AKR1C3: variants seen among roughly 807,000 people sequenced by gnomAD.
AKR1C3 encodes the protein 3-alpha hydroxysteroid dehydrogenase, type II.
Under a neutral mutation model 43.6 loss-of-function variants are expected in AKR1C3, and 48 were observed. That is an observed-to-expected ratio of 1.10 (90% CI 0.87 to 1.40). The LOEUF is 1.40. Among genes scored for constraint, AKR1C3 ranks in the 40% most tolerant of loss-of-function variants. The probability of loss-of-function intolerance (pLI) is 0.00; values close to 1 mark genes in which losing one functional copy is unlikely to be tolerated. For missense variants in AKR1C3, 482 were observed against 391.2 expected (o/e 1.23, Z -1.96); for synonymous variants, 162 against 139.6 (o/e 1.16, Z -1.13).
chr10:5,103,494 T>C (rs1839410657), intron 7 of AKR1C3, among the ~76,000 whole-genome samples: 1 of 152,166 alleles, frequency 6.6e-6, no homozygotes, highest in Admixed American at 6.5e-5. Flanking sequence ...AAAATTAGCA[T>C]GGCCTCAGCC....
intron 1 of AKR1C3, among the ~76,000 whole-genome samples, chr10:5,074,183 G>A (rs1325937917): frequency 1.3e-5 from 2 of 152,098 alleles, no homozygotes; most frequent in East Asian, 1.9e-4. Context: ...GATGTCTCAT[G>A]TCTCCCTAAA....
In AKR1C3 at chr10:5,060,422, G is replaced by T. The variant is rs183598383; in HGVS notation, c.84+11527G>T. On this transcript the variant is annotated intron_variant, in intron 1 of 8. Coordinates refer to the AKR1C3 transcript ENST00000439082. ...TACAATCCCTGAGCTAGACACAAAG[G>T]TTCTCCAAGTCCCCACCAGAGTAGT... is the stretch of plus-strand genomic sequence containing the variant. 2.5e-4 allele frequency among the ~76,000 whole-genome samples: 38 copies of T among 152,268 alleles called. 1 individual carries two copies. The highest frequency in any genetic ancestry group is 8.3e-4 in the South Asian group (4 of 4,824).
chr10:5,058,188 T>C (rs1838303684), intron 1 of AKR1C3, among the ~76,000 whole-genome samples: 1 of 152,196 alleles, frequency 6.6e-6, no homozygotes, highest in Admixed American at 6.5e-5. Context: ...GGCTAGGATC[T>C]GGAGGTAAGC....
rs202122278 is a variant in AKR1C3 at position 5,096,384 on chromosome 10, G to C, written c.85-26G>C. 1.7e-5 allele frequency: 27 copies of C among 1,608,954 alleles called. No homozygotes were observed. The African/African-American group carries it at 2.9e-4, about 18-fold the overall frequency. ...TACCTCTCAGCCACAGTGATCACCA[G>C]ATACTACCTTTGGTTGCTCCTCCAG... On this transcript the variant is annotated intron_variant, in intron 1 of 8. Transcript: ENST00000380554.
intron 1 of AKR1C3, among the ~76,000 whole-genome samples, chr10:5,064,338 T>C (rs1244137226): frequency 3.9e-5 from 6 of 152,040 alleles, no homozygotes; most frequent in Admixed American, 6.6e-5. Flanking sequence ...GTGCAGAAGA[T>C]TGAAACGGGA....
intron 1 of AKR1C3, among the ~76,000 whole-genome samples, chr10:5,094,922 A>G (rs1253973707): frequency 6.6e-6 from 1 of 152,136 alleles, no homozygotes; most frequent in Non-Finnish European, 1.5e-5. Context: ...AGAAATACTT[A>G]TAGCAAAAAT....
chr10:5,062,649 A>C (rs185284184), intron 1 of AKR1C3, among the ~76,000 whole-genome samples: 1 of 152,302 alleles, frequency 6.6e-6, no homozygotes. Flanking sequence ...ATTACCAAGA[A>C]AACAGTGACA....
intron 1 of AKR1C3, among the ~76,000 whole-genome samples, chr10:5,062,376 T>G (rs1293540882): frequency 6.6e-6 from 1 of 152,180 alleles, no homozygotes; most frequent in African/African-American, 2.4e-5. Flanking sequence ...TTCTGTCTAT[T>G]TTCATTCCCT....
At chr10:5,079,090 G>T (rs1396025974) in intron 1 of AKR1C3, among the ~76,000 whole-genome samples, 1 of 152,154 alleles carries the variant, frequency 6.6e-6, no homozygotes. Context: ...GTTCTGAGTT[G>T]CACAGGTGTT....
intron 1 of AKR1C3, among the ~76,000 whole-genome samples, chr10:5,069,087 G>T (rs1277429347): frequency 6.6e-6 from 1 of 150,466 alleles, no homozygotes; most frequent in African/African-American, 2.4e-5. Flanking sequence ...TTTGATTTAA[G>T]CTCTTATATT....
intron 7 of AKR1C3, among the ~76,000 whole-genome samples, chr10:5,104,248 G>A (rs1309277114): frequency 6.6e-6 from 1 of 151,980 alleles, no homozygotes; most frequent in Non-Finnish European, 1.5e-5. Context: ...TTATAAATTA[G>A]TTGTAAATTC....
At chr10:5,073,906 T>C (rs1554781558) in intron 1 of AKR1C3, among the ~76,000 whole-genome samples, 1 of 151,898 alleles carries the variant, frequency 6.6e-6, no homozygotes, top group Non-Finnish European at 1.5e-5. Flanking sequence ...GGAAGATAAA[T>C]CTTAGGGCCC....
At chr10:5,081,222 G>A (rs1838831726) in intron 1 of AKR1C3, among the ~76,000 whole-genome samples, 1 of 152,162 alleles carries the variant, frequency 6.6e-6, no homozygotes. Context: ...GCAGCTATAA[G>A]AAAGTGGCCT....
intron 7 of AKR1C3, 57 bp downstream of exon 7, chr10:5,102,707 C>G: frequency 4.1e-6 from 6 of 1,454,418 alleles, no homozygotes; most frequent in Non-Finnish European, 5.4e-6. Flanking sequence ...CACACGTGTG[C>G]TTCTTGTAAG....
At chr10:5,071,181 T>C (rs1838607015) in intron 1 of AKR1C3, among the ~76,000 whole-genome samples, 1 of 152,246 alleles carries the variant, frequency 6.6e-6, no homozygotes, top group African/African-American at 2.4e-5. Flanking sequence ...TAGAGGTATA[T>C]TTGGCTAATG....
intron 8 of AKR1C3, 148 bp downstream of exon 8, chr10:5,105,825 G>C (rs927184855): frequency 1.3e-4 from 85 of 659,844 alleles, no homozygotes; most frequent in Non-Finnish European, 2.2e-4. Flanking sequence ...TCACTCCAGA[G>C]CTCTGTTCTC....
At chr10:5,068,525 A>AC (rs1838556745) in intron 1 of AKR1C3, among the ~76,000 whole-genome samples, 1 of 151,466 alleles carries the variant, frequency 6.6e-6, no homozygotes, top group African/African-American at 2.4e-5. Flanking sequence ...AAAAAAAAAA[A>AC]CACATTTTAC....
chr10:5,083,492 G>A (rs1223150237), intron 1 of AKR1C3, among the ~76,000 whole-genome samples: 4 of 152,162 alleles, frequency 2.6e-5, no homozygotes, highest in Non-Finnish European at 4.4e-5. Context: ...GGACATTTGG[G>A]TTGGTTCCAA....
chr10:5,050,087 C>G (rs1182761459), intron 1 of AKR1C3, among the ~76,000 whole-genome samples: 1 of 152,190 alleles, frequency 6.6e-6, no homozygotes, highest in Non-Finnish European at 1.5e-5. Context: ...AGCTCCTTAT[C>G]AGATCAAAAA....
Sources: gnomAD v4.1 joint callset for allele counts (sites outside exome capture counted in the v4.1 genomes callset) on GRCh38, gnomAD v4.1.1 for gene constraint, MANE v1.5 for transcripts, NCBI Gene and HGNC (gene_info 2026-07-23, HGNC 2026-07-21) for gene names.